RBM26: variants seen among roughly 807,000 people sequenced by gnomAD.
RBM26 encodes the protein RNA-binding protein 26.
A neutral mutation model predicts 123.6 loss-of-function variants in RBM26; 30 were observed. That is an observed-to-expected ratio of 0.24 (90% CI 0.18 to 0.33). RBM26 has a LOEUF of 0.33. Among genes scored for constraint, RBM26 ranks in the 10% least tolerant of loss-of-function variants. The pLI is 1.00. For synonymous variants in RBM26, 400 were observed against 404.4 expected (o/e 0.99, Z 0.13); for missense variants, 947 against 1,203.6 (o/e 0.79, Z 3.15).
chr13:79,354,569 A>G lies in RBM26; in HGVS notation c.1856T>C (p.Val619Ala). The G allele has an allele frequency of 6.3e-7, 1 of 1,580,480 alleles. No individual in the cohort carries two copies. The highest frequency in any genetic ancestry group is 8.6e-7 in the Non-Finnish European group (1 of 1,160,470). Reference protein sequence around the residue: ...TQQLQTTSPKVMQPLVQQPIL... With the variant: ...TQQLQTTSPKAMQPLVQQPIL... ...GGGCTGCTGGACTAAAGGCTGCATT[A>G]CCTCAGAACAAGGAAAAAATGTTAA... Residue 619 changes from valine to alanine, a missense_variant and splice_region_variant, in exon 13 of 22, where the codon GTA (valine) becomes GCA (alanine). Coordinates refer to ENST00000438737, the MANE Select transcript of RBM26 (RefSeq NM_001366735.2).
chr13:79,373,581 A>T (rs796724008), intron 3 of RBM26, among the ~76,000 whole-genome samples: 4 of 112,396 alleles, frequency 3.6e-5, no homozygotes, highest in Non-Finnish European at 6.7e-5. Context: ...TAATATATTT[A>T]TATATTACTA....
intron 9 of RBM26, among the ~76,000 whole-genome samples, chr13:79,363,834 C>T (rs142372130): frequency 2.0e-5 from 3 of 152,126 alleles, no homozygotes; most frequent in African/African-American, 7.2e-5. Flanking sequence ...ATTTACAGCT[C>T]CAAAGCAGCA....
rs541511698 is a variant in RBM26, at chr13:79,375,674, C to T, written c.327+1705G>A. Among the ~76,000 whole-genome samples the T allele has an allele frequency of 2.6e-5, 4 of 151,976 alleles. No homozygotes were observed. The South Asian group carries it at 8.3e-4, about 32-fold the overall frequency. On this transcript the variant is annotated intron_variant, in intron 3 of 21. Transcript: ENST00000438737. ...AAATTACATTTCTGGTCTTCCCAGG[C>T]AGATAAAACTGATTGGGATGTTACA...
intron 20 of RBM26, among the ~76,000 whole-genome samples, chr13:79,329,889 G>T (rs1319118285): frequency 6.6e-6 from 1 of 151,994 alleles, no homozygotes; most frequent in South Asian, 2.1e-4. Context: ...GCCAACCTAC[G>T]TTAAAACCTA....
chr13:79,333,118 C>T (rs577794976), intron 20 of RBM26, among the ~76,000 whole-genome samples: 1 of 152,070 alleles, frequency 6.6e-6, no homozygotes, highest in South Asian at 2.1e-4. Flanking sequence ...CTTAACAATA[C>T]CCTGGAGAGA....
intron 20 of RBM26, among the ~76,000 whole-genome samples, chr13:79,325,604 T>G (rs2068267481): frequency 6.6e-6 from 1 of 152,180 alleles, no homozygotes. Context: ...TGTTTTATGC[T>G]AAGTGGCGTT....
intron 3 of RBM26, among the ~76,000 whole-genome samples, chr13:79,375,911 C>T (rs1402048661): frequency 6.6e-6 from 1 of 151,852 alleles, no homozygotes; most frequent in East Asian, 1.9e-4. Flanking sequence ...CAGCAGCTAC[C>T]ATTTACTGAG....
At chr13:79,382,754 A>G (rs973310377) in intron 1 of RBM26, among the ~76,000 whole-genome samples, 1 of 152,142 alleles carries the variant, frequency 6.6e-6, no homozygotes, top group African/African-American at 2.4e-5. Context: ...TAAAACAGAA[A>G]ACTGAGAACT....
At chr13:79,387,116 C>A (rs1045542909) in intron 1 of RBM26, among the ~76,000 whole-genome samples, 3 of 152,042 alleles carry the variant, frequency 2.0e-5, no homozygotes, top group Admixed American at 2.0e-4. Flanking sequence ...ATTATGGACA[C>A]TTTTCCGGTC....
At chr13:79,377,345 A>C in intron 3 of RBM26, 34 bp downstream of exon 3, 1 of 1,586,894 alleles carries the variant, frequency 6.3e-7, no homozygotes, top group South Asian at 1.1e-5. Context: ...TTATGTGTTT[A>C]AATAACCTGT....
intron 9 of RBM26, among the ~76,000 whole-genome samples, chr13:79,360,490 A>AATATATATAT (rs141926769): frequency 3.8e-3 from 568 of 150,032 alleles, no homozygotes; most frequent in Middle Eastern, 0.01. Context: ...CCTCACCACA[A>AATATATATAT]ATATATATAT....
intron 3 of RBM26, 93 bp from the exon 4 acceptor site, chr13:79,372,023 G>A: frequency 1.1e-6 from 1 of 911,720 alleles, no homozygotes; most frequent in Non-Finnish European, 1.7e-6. Context: ...GTTCATGCCT[G>A]TAATGCCAGC....
chr13:79,333,384 A>G (rs2069744963), intron 20 of RBM26, among the ~76,000 whole-genome samples: 1 of 152,114 alleles, frequency 6.6e-6, no homozygotes, highest in Non-Finnish European at 1.5e-5. Flanking sequence ...TATCAGACCC[A>G]TAGTCTTATG....
chr13:79,370,197 T>A (rs2075738306), intron 5 of RBM26, among the ~76,000 whole-genome samples: 1 of 152,096 alleles, frequency 6.6e-6, no homozygotes, highest in Non-Finnish European at 1.5e-5. Context: ...TTGCCTGTAA[T>A]CCCAGCTACT....
chr13:79,341,435 T>G (rs947854520), intron 17 of RBM26, among the ~76,000 whole-genome samples: 2 of 151,968 alleles, frequency 1.3e-5, no homozygotes. Flanking sequence ...GATTTTCCTA[T>G]AATTCATTTT....
At chr13:79,334,264 A>G (rs571562133) in intron 20 of RBM26, 80 bp downstream of exon 20, 2 of 786,794 alleles carry the variant, frequency 2.5e-6, no homozygotes, top group Non-Finnish European at 4.0e-6. Flanking sequence ...GTAAGTTAAA[A>G]AATTCATTTA....
chr13:79,320,960 T>C (rs1307024760), intron 21 of RBM26, among the ~76,000 whole-genome samples: 1 of 151,232 alleles, frequency 6.6e-6, no homozygotes, highest in East Asian at 1.9e-4. Flanking sequence ...ATGCCATTTT[T>C]TCCTGCCTCT....
chr13:79,338,104 C>T (rs1198686682), intron 18 of RBM26, among the ~76,000 whole-genome samples: 4 of 151,930 alleles, frequency 2.6e-5, no homozygotes, highest in African/African-American at 7.3e-5. Context: ...CCCAGCTACT[C>T]GGGAGGCTGA....
At position 79,358,379 on chromosome 13, in the gene RBM26, T is replaced by A. The variant is rs1299034295; in HGVS notation, c.1584A>T (p.Gly528=). Residue 528 remains glycine (G), a synonymous_variant, in exon 11 of 22, where the codon GGA becomes GGT. Coordinates refer to ENST00000438737, the MANE Select transcript of RBM26 (RefSeq NM_001366735.2). ...TAAGTTCAAGCTTGGTATTTTCATT[T>A]CCAAATTGAACCTTCTTCTGAAAGC... The part of the protein sequence containing the change: ...SPGFQKKVQF[G]NENTKLELRK... The A allele has an allele frequency of 3.1e-6, 5 of 1,611,828 alleles. No individual in the cohort carries two copies. Among genetic ancestry groups the A allele is most frequent in the Non-Finnish European group, 1.7e-6 (2 of 1,179,416 alleles).
Sources: allele counts gnomAD v4.1 joint callset (sites outside exome capture counted in the v4.1 genomes callset), GRCh38; gene constraint gnomAD v4.1.1; transcripts MANE v1.5; gene names NCBI Gene and HGNC (gene_info 2026-07-23, HGNC 2026-07-21).